DOP1B: variants seen among roughly 807,000 people sequenced by gnomAD.
The protein encoded by DOP1B is protein DOP1B.
In DOP1B, 174 loss-of-function variants were observed where a neutral mutation model predicts 233.5. That is an observed-to-expected ratio of 0.75 (90% confidence interval 0.66 to 0.85). The LOEUF (loss-of-function observed/expected upper bound fraction) is 0.85, where lower values mean the gene tolerates loss of function less well. DOP1B is among the 40% of genes least tolerant of loss of function. DOP1B has a pLI of 0.00. For missense variants in DOP1B, 2,652 were observed against 2,846.6 expected, an observed-to-expected ratio of 0.93 and a Z score of 1.56; for synonymous variants, 1,190 against 1,185.6, an observed-to-expected ratio of 1.00 and a Z score of -0.08.
Position 36,257,165 on chromosome 21 carries a change from C to T in DOP1B, c.5259+3256C>T, listed in dbSNP as rs117869934. On this transcript the variant is annotated intron_variant, in intron 23 of 36. Transcript: ENST00000691173. ...TACTGAGGATACAAATGAAGGGATG[C>T]GTAGGGCAAGGTATGGGGGAAGAGG... 7.9e-5 allele frequency among the ~76,000 whole-genome samples: 12 copies of T among 152,228 alleles called. No homozygotes were observed. In the South Asian group the frequency reaches 1.2e-3, roughly 16 times the overall value.
intron 23 of DOP1B, among the ~76,000 whole-genome samples, chr21:36,255,240 T>C (rs764124300): frequency 3.3e-5 from 5 of 152,054 alleles, no homozygotes; most frequent in African/African-American, 4.8e-5. Flanking sequence ...CAAGTGATTC[T>C]TGTGTCTCAG....
chr21:36,258,011 ATAGG>A (rs1394414977), intron 23 of DOP1B, among the ~76,000 whole-genome samples: 1 of 149,328 alleles, frequency 6.7e-6, no homozygotes. Context: ...AGGTAGGTAG[ATAGG>A]TAGAGAGATA....
At chr21:36,223,796 C>A (rs1421726566) in intron 11 of DOP1B, among the ~76,000 whole-genome samples, 1 of 152,152 alleles carries the variant, frequency 6.6e-6, no homozygotes, top group Non-Finnish European at 1.5e-5. Context: ...GCTTTACCAT[C>A]TCTTTTAACC....
intron 13 of DOP1B, among the ~76,000 whole-genome samples, chr21:36,229,247 T>C (rs1190026839): frequency 6.6e-6 from 1 of 152,182 alleles, no homozygotes; most frequent in African/African-American, 2.4e-5. Context: ...GACACTTGTT[T>C]TCTCATGGTT....
chr21:36,258,462 G>A (rs1308550190), intron 23 of DOP1B, among the ~76,000 whole-genome samples: 1 of 151,596 alleles, frequency 6.6e-6, no homozygotes, highest in East Asian at 1.9e-4. Context: ...TTGTAACAAA[G>A]TTTGAGGGTG....
At chr21:36,204,357 T>C (rs1490432281) in intron 4 of DOP1B, among the ~76,000 whole-genome samples, 4 of 152,194 alleles carry the variant, frequency 2.6e-5, no homozygotes, top group Non-Finnish European at 1.5e-5. Context: ...AGAGTTTCCA[T>C]GATGTCCTGT....
chr21:36,169,198 AT>A, intron 2 of DOP1B: 2 of 1,041,962 alleles, frequency 1.9e-6, no homozygotes, highest in Non-Finnish European at 3.0e-6. Flanking sequence ...TAACAGAGTT[AT>A]TGGTCACTTC....
rs772436813 is a variant in DOP1B at position 36,200,377 on chromosome 21, C to G, written c.367C>G (p.Pro123Ala). The change falls in exon 4 of 37, where the codon CCG (proline) becomes GCG (alanine). Residue 123 changes from proline to alanine, a missense_variant. Transcript: ENST00000691173. ...LLAHAAVSVR[P>A]VLLTLYEKYF... ...GGCACACGCGGCGGTGTCGGTGAGG[C>G]CGGTGCTGCTCACCCTGTACGAGAA... The G allele has an allele frequency of 6.9e-5, 112 of 1,612,802 alleles. No individual in the cohort carries two copies. The highest frequency in any genetic ancestry group is 8.9e-5 in the Non-Finnish European group (105 of 1,179,680).
intron 36 of DOP1B, 41 bp from the exon 37 acceptor site, chr21:36,293,279 A>G: frequency 6.3e-7 from 1 of 1,598,326 alleles, no homozygotes; most frequent in Non-Finnish European, 8.5e-7. Flanking sequence ...TCGAGCCCTC[A>G]GTAAAACCAT....
intron 26 of DOP1B, among the ~76,000 whole-genome samples, chr21:36,267,840 A>G (rs2067248308): frequency 6.6e-6 from 1 of 152,092 alleles, no homozygotes; most frequent in Admixed American, 6.6e-5. Context: ...CAAACCAGCA[A>G]GTTTTTATTA....
intron 2 of DOP1B, among the ~76,000 whole-genome samples, chr21:36,182,308 T>C (rs1387956623): frequency 6.6e-6 from 1 of 151,954 alleles, no homozygotes; most frequent in Non-Finnish European, 1.5e-5. Context: ...GGGGATCAGG[T>C]GGTGATGCGC....
At chr21:36,168,471 C>T (rs1249626466) in intron 2 of DOP1B, among the ~76,000 whole-genome samples, 1 of 152,078 alleles carries the variant, frequency 6.6e-6, no homozygotes, top group Non-Finnish European at 1.5e-5. Flanking sequence ...CACCATTTTA[C>T]ATATCCACCA....
rs764127504 is a variant in DOP1B, at chr21:36,289,073, G to T, written c.6382G>T (p.Val2128Phe). 1 of 1,612,310 alleles carries T rather than the reference G, an allele frequency of 6.2e-7. No individual in the cohort carries two copies. Among genetic ancestry groups the T allele is most frequent in the Non-Finnish European group, 8.5e-7 (1 of 1,179,690 alleles). Residue 2128 changes from valine (V) to phenylalanine (F), a missense_variant, in exon 35 of 37, where the codon GTT (valine) becomes TTT (phenylalanine). Physicochemically the swap from Val to Phe is conservative, Grantham distance 50. Coordinates refer to ENST00000691173, the MANE Select transcript of DOP1B (RefSeq NM_001320714.2). Reference sequence around the variant, plus strand: ...CACCAACAAAGTAAACAGAACGAAAGTTTCAGTCCCGGATGCAAATGGACC... The same window carrying T: ...CACCAACAAAGTAAACAGAACGAAATTTTCAGTCCCGGATGCAAATGGACC... ...RSTNKVNRTK[V>F]SVPDANGPSV...
At chr21:36,175,968 T>G (rs1266021789) in intron 2 of DOP1B, among the ~76,000 whole-genome samples, 1 of 152,170 alleles carries the variant, frequency 6.6e-6, no homozygotes, top group Non-Finnish European at 1.5e-5. Flanking sequence ...TTTACAAAGC[T>G]GATCTCTGGT....
At position 36,237,252 on chromosome 21, in the gene DOP1B, C is replaced by CT. The variant is rs2066838258; in HGVS notation, c.2623-8dup. ...CTGGTCCCCCACCGCCTGCCTTTTC[C>CT]TTGTCCCAGAGGGTGGCTCGTGTGC... On this transcript the variant is annotated splice_polypyrimidine_tract_variant and intron_variant, in intron 15 of 36. Coordinates refer to ENST00000691173, the MANE Select transcript of DOP1B (RefSeq NM_001320714.2). The CT allele has an allele frequency of 3.1e-6, 5 of 1,614,052 alleles. No individual in the cohort carries two copies. The South Asian group carries it at 5.5e-5, about 18-fold the overall frequency.
intron 34 of DOP1B, 26 bp from the exon 35 acceptor site, chr21:36,289,019 A>G: frequency 6.2e-7 from 1 of 1,608,490 alleles, no homozygotes; most frequent in Non-Finnish European, 8.5e-7. Flanking sequence ...TGAATTTATA[A>G]CAAGCGTTTC....
At chr21:36,176,705 C>T (rs890200949) in intron 2 of DOP1B, among the ~76,000 whole-genome samples, 13 of 152,144 alleles carry the variant, frequency 8.5e-5, no homozygotes, top group Non-Finnish European at 1.5e-4. Context: ...AGATCCTGTA[C>T]CTCTGCAGGA....
intron 5 of DOP1B, among the ~76,000 whole-genome samples, chr21:36,209,950 A>G (rs55984449): frequency 0.079 from 11,988 of 152,160 alleles, 659 homozygotes; most frequent in Non-Finnish European, 0.12. Context: ...CCTGCTTCAC[A>G]GGATCTCTCT....
chr21:36,181,100 T>C (rs2066093281), intron 2 of DOP1B, among the ~76,000 whole-genome samples: 1 of 152,204 alleles, frequency 6.6e-6, no homozygotes, highest in African/African-American at 2.4e-5. Context: ...TGAATAGCAA[T>C]GTTGCTATCA....
Sources: allele counts gnomAD v4.1 joint callset (sites outside exome capture counted in the v4.1 genomes callset), GRCh38; gene constraint gnomAD v4.1.1; transcripts MANE v1.5; gene names NCBI Gene and HGNC (gene_info 2026-07-23, HGNC 2026-07-21).